The following ST6GAL1 variants were observed in gnomAD, a reference collection of about 807,000 sequenced individuals.
ST6GAL1 encodes the protein ST6 beta-galactoside alpha-2,6-sialyltransferase 1.
A neutral mutation model predicts 38.0 loss-of-function variants in ST6GAL1; 20 were observed. That is an observed-to-expected ratio of 0.53 (90% CI 0.37 to 0.77). The LOEUF (loss-of-function observed/expected upper bound fraction) is 0.77. ST6GAL1 is among the 30% of genes least tolerant of loss of function. The probability of loss-of-function intolerance (pLI) is 0.00; values close to 1 mark genes in which losing one functional copy is unlikely to be tolerated. For synonymous variants in ST6GAL1, 196 were observed against 188.2 expected (o/e 1.04, Z -0.34); for missense variants, 432 against 496.4 (o/e 0.87, Z 1.23).
chr3:187,035,832 G>A (rs1192991585), intron 2 of ST6GAL1, among the ~76,000 whole-genome samples: 1 of 48,522 alleles, frequency 2.1e-5, no homozygotes, highest in Non-Finnish European at 3.7e-5. Context: ...CACCATTCTG[G>A]ACATCAACCT....
chr3:187,046,935 C>T (rs939109687), intron 4 of ST6GAL1, among the ~76,000 whole-genome samples: 5 of 152,152 alleles, frequency 3.3e-5, no homozygotes, highest in Non-Finnish European at 7.4e-5. Flanking sequence ...CCAGATTTGT[C>T]CTTCAAGTCA....
intron 5 of ST6GAL1, among the ~76,000 whole-genome samples, chr3:187,056,773 A>T (rs1166983332): frequency 2.6e-5 from 4 of 151,858 alleles, no homozygotes; most frequent in Admixed American, 6.6e-5. Flanking sequence ...TCTGACAATT[A>T]TGTGTCTTGG....
intron 4 of ST6GAL1, among the ~76,000 whole-genome samples, chr3:187,046,431 G>A (rs986179682): frequency 6.6e-6 from 1 of 152,182 alleles, no homozygotes. Flanking sequence ...ATCAGATATC[G>A]AGATAGATTT....
chr3:186,977,939 C>G (rs982220585), intron 2 of ST6GAL1, among the ~76,000 whole-genome samples: 1 of 152,116 alleles, frequency 6.6e-6, no homozygotes, highest in African/African-American at 2.4e-5. Flanking sequence ...CTCGGCCGGG[C>G]GTGGTGGCTC....
chr3:187,058,168 G>A (rs554114897), intron 5 of ST6GAL1, among the ~76,000 whole-genome samples: 4 of 152,174 alleles, frequency 2.6e-5, no homozygotes, highest in Non-Finnish European at 5.9e-5. Flanking sequence ...GTGTTTGGGC[G>A]GGAGTGTCCC....
At chr3:186,947,999 C>T (rs1714438288) in intron 1 of ST6GAL1, among the ~76,000 whole-genome samples, 1 of 152,218 alleles carries the variant, frequency 6.6e-6, no homozygotes, top group Non-Finnish European at 1.5e-5. Flanking sequence ...ACTCAGTTAA[C>T]CAGCTGGAGG....
At chr3:186,932,742 A>T (rs564253704) in intron 1 of ST6GAL1, among the ~76,000 whole-genome samples, 6 of 126,280 alleles carry the variant, frequency 4.8e-5, no homozygotes, top group African/African-American at 1.7e-4. Context: ...CATTGTTTTC[A>T]CTGATCTTAT....
Position 187,077,622 on chromosome 3 carries a change from G to A in ST6GAL1, c.*1819G>A, listed in dbSNP as rs981327389. ...AGCCTGTTTCCACACCTGTAAAGTGGGGATGATGATCCTATCTCACTGCTT... is the reference window on the plus strand; with the variant it reads ...AGCCTGTTTCCACACCTGTAAAGTGAGGATGATGATCCTATCTCACTGCTT... On this transcript the variant is annotated 3_prime_UTR_variant, in exon 8 of 8. Transcript: ENST00000169298. 1 of 152,270 alleles carries A rather than the reference G, an allele frequency of 6.6e-6. No individual in the cohort carries two copies. The highest frequency in any genetic ancestry group is 1.5e-5 in the Non-Finnish European group (1 of 68,092). The allele number at this position is 152,270 out of a possible 1,614,324, so 9.4% of individuals were successfully genotyped here.
intron 2 of ST6GAL1, among the ~76,000 whole-genome samples, chr3:186,980,204 A>G (rs1225564785): frequency 6.6e-6 from 1 of 152,160 alleles, no homozygotes; most frequent in African/African-American, 2.4e-5. Flanking sequence ...AGCAATTCCC[A>G]GGCCCTGTCT....
intron 2 of ST6GAL1, among the ~76,000 whole-genome samples, chr3:187,008,534 T>C (rs943592993): frequency 1.3e-5 from 2 of 152,146 alleles, no homozygotes. Flanking sequence ...AAAAATATTC[T>C]TTGGGAGTGA....
At chr3:187,024,447 C>T (rs1717446879) in intron 2 of ST6GAL1, among the ~76,000 whole-genome samples, 1 of 147,282 alleles carries the variant, frequency 6.8e-6, no homozygotes, top group South Asian at 2.1e-4. Context: ...TATATATACA[C>T]ACACACATAT....
At chr3:187,040,227 G>C (rs1718081015) in intron 3 of ST6GAL1, among the ~76,000 whole-genome samples, 1 of 152,164 alleles carries the variant, frequency 6.6e-6, no homozygotes, top group Non-Finnish European at 1.5e-5. Context: ...AGTATAATAG[G>C]TCTGTAAAAC....
intron 2 of ST6GAL1, chr3:186,996,599 G>T (rs1008020845): frequency 6.6e-6 from 1 of 152,124 alleles, no homozygotes; most frequent in Non-Finnish European, 1.5e-5. Flanking sequence ...GTGGATCATG[G>T]GTGAGCTGGA....
At chr3:187,007,009 T>G (rs192035998) in intron 2 of ST6GAL1, among the ~76,000 whole-genome samples, 94 of 152,276 alleles carry the variant, frequency 6.2e-4, no homozygotes, top group African/African-American at 2.0e-3. Context: ...ACAGCCAAGA[T>G]GAAATAATCC....
chr3:186,981,168 A>G (rs1458312007), intron 2 of ST6GAL1, among the ~76,000 whole-genome samples: 1 of 152,226 alleles, frequency 6.6e-6, no homozygotes, highest in African/African-American at 2.4e-5. Context: ...ATTGGACAGC[A>G]CTCAGAACCA....
intron 2 of ST6GAL1, chr3:187,022,050 T>G (rs768041220): frequency 6.6e-6 from 1 of 152,132 alleles, no homozygotes; most frequent in Non-Finnish European, 1.5e-5. Context: ...TCCAGCAAAT[T>G]AATTGAACCC....
At chr3:186,987,204 GAA>G (rs1378863222) in intron 2 of ST6GAL1, among the ~76,000 whole-genome samples, 5 of 150,264 alleles carry the variant, frequency 3.3e-5, no homozygotes, top group South Asian at 2.1e-4. Context: ...GGGAGGGAAG[GAA>G]AGAAAAGGAA....
chr3:187,028,701 GTATTACA>G (rs1171505629), intron 2 of ST6GAL1, among the ~76,000 whole-genome samples: 2 of 152,110 alleles, frequency 1.3e-5, no homozygotes, highest in African/African-American at 4.8e-5. Context: ...CAAGGTGTAC[GTATTACA>G]TATTATTATA....
chr3:186,973,587 G>T (rs1000495647), intron 2 of ST6GAL1, among the ~76,000 whole-genome samples: 3 of 152,202 alleles, frequency 2.0e-5, no homozygotes, highest in African/African-American at 7.2e-5. Context: ...ACAGATCTGA[G>T]TTCCAATTGC....
Sources: gnomAD v4.1 joint callset for allele counts (sites outside exome capture counted in the v4.1 genomes callset) on GRCh38, gnomAD v4.1.1 for gene constraint, MANE v1.5 for transcripts, NCBI Gene and HGNC (gene_info 2026-07-23, HGNC 2026-07-21) for gene names.